SIPA1L1: variants seen among roughly 807,000 people sequenced by gnomAD.
The protein encoded by SIPA1L1 is signal induced proliferation associated 1 like 1.
SIPA1L1 carries 26 observed loss-of-function variants against 162.7 expected under a neutral mutation model. That is an observed-to-expected ratio of 0.16 (90% CI 0.12 to 0.22). The LOEUF is 0.22. SIPA1L1 is among the 10% of genes least tolerant of loss of function. SIPA1L1 has a pLI of 1.00. For missense variants in SIPA1L1, 1,874 were observed against 2,241.0 expected (o/e 0.84, Z 3.31); for synonymous variants, 829 against 837.4 (o/e 0.99, Z 0.17).
At chr14:71,434,084 A>G (rs1240680060) in intron 2 of SIPA1L1, among the ~76,000 whole-genome samples, 2 of 152,232 alleles carry the variant, frequency 1.3e-5, no homozygotes, top group African/African-American at 2.4e-5. Flanking sequence ...TTGGAATACA[A>G]AATTTCTCAC....
chr14:71,532,095 C>T (rs1443392756), intron 4 of SIPA1L1, among the ~76,000 whole-genome samples: 1 of 151,744 alleles, frequency 6.6e-6, no homozygotes, highest in Non-Finnish European at 1.5e-5. Flanking sequence ...ATTTTTTCCC[C>T]TTTAATTTAT....
intron 2 of SIPA1L1, among the ~76,000 whole-genome samples, chr14:71,463,472 A>G (rs1415571588): frequency 6.6e-6 from 1 of 152,236 alleles, no homozygotes; most frequent in African/African-American, 2.4e-5. Context: ...CCCTGGAATC[A>G]GCATCAGCTC....
chr14:71,524,472 G>A (rs1473708469), intron 3 of SIPA1L1, among the ~76,000 whole-genome samples: 1 of 152,154 alleles, frequency 6.6e-6, no homozygotes, highest in African/African-American at 2.4e-5. Context: ...TATGCAAAAA[G>A]ATATATTTTG....
chr14:71,596,246 G>A (rs561938490), intron 5 of SIPA1L1, among the ~76,000 whole-genome samples: 2 of 152,324 alleles, frequency 1.3e-5, no homozygotes, highest in South Asian at 2.1e-4. Flanking sequence ...ATGAGCATTA[G>A]AGAAGCATTA....
intron 2 of SIPA1L1, among the ~76,000 whole-genome samples, chr14:71,465,272 T>C (rs1472049710): frequency 1.3e-5 from 2 of 152,346 alleles, no homozygotes; most frequent in East Asian, 3.9e-4. Flanking sequence ...CTTGTGTCTG[T>C]TTTCCACAAT....
intron 2 of SIPA1L1, among the ~76,000 whole-genome samples, chr14:71,502,083 T>A (rs181372492): frequency 1.4e-3 from 204 of 149,012 alleles, no homozygotes; most frequent in Non-Finnish European, 2.5e-3. Context: ...TTTTTTTTTT[T>A]TTTCTTCTGT....
At chr14:71,517,040 C>T (rs35760654) in intron 3 of SIPA1L1, among the ~76,000 whole-genome samples, 24,666 of 151,764 alleles carry the variant, frequency 0.16, 2,626 homozygotes, top group Middle Eastern at 0.35. Flanking sequence ...GGTGCTTTCT[C>T]AAGAGTTTTA....
chr14:71,459,634 G>A (rs1160805491), intron 2 of SIPA1L1, among the ~76,000 whole-genome samples: 1 of 152,162 alleles, frequency 6.6e-6, no homozygotes, highest in Non-Finnish European at 1.5e-5. Context: ...GGAAAGAGAT[G>A]TAGGCTGGGA....
At chr14:71,590,040 AAAAAATATATATATATAT>A (rs1192770756) in intron 5 of SIPA1L1, among the ~76,000 whole-genome samples, 1 of 64,682 alleles carries the variant, frequency 1.5e-5, no homozygotes, top group African/African-American at 6.6e-5. Context: ...AAAAAAAAAA[AAAAAATATATATATATAT>A]ATATATATAT....
Position 71,709,209 on chromosome 14 carries a change from GC to G in SIPA1L1, c.3766-12del, listed in dbSNP as rs1566706596. 1.3e-6 allele frequency: 2 copies of G among 1,593,476 alleles called. No individual in the cohort carries two copies. Among genetic ancestry groups the G allele is most frequent in the East Asian group, 4.5e-5 (2 of 44,580 alleles). On this transcript the variant is annotated splice_polypyrimidine_tract_variant and intron_variant, in intron 16 of 23. Coordinates refer to ENST00000381232, the MANE Select transcript of SIPA1L1 (RefSeq NM_001386936.1). Reference sequence around the variant, plus strand: ...AAAACTTTGCACTCAAATAAATTCTGCTTCTCTTGCAGTCTGATAGCCACTA... The same window carrying G: ...AAAACTTTGCACTCAAATAAATTCTGTTCTCTTGCAGTCTGATAGCCACTA...
intron 17 of SIPA1L1, among the ~76,000 whole-genome samples, chr14:71,716,484 T>C (rs1178016419): frequency 6.6e-6 from 1 of 152,212 alleles, no homozygotes; most frequent in African/African-American, 2.4e-5. Context: ...TCCTAAATAG[T>C]AGATGACTCC....
chr14:71,684,652 T>A (rs974269173), intron 12 of SIPA1L1, among the ~76,000 whole-genome samples: 1 of 151,482 alleles, frequency 6.6e-6, no homozygotes, highest in Non-Finnish European at 1.5e-5. Context: ...GGTGGGGGTG[T>A]GAAGCTGCTC....
intron 2 of SIPA1L1, among the ~76,000 whole-genome samples, chr14:71,440,983 C>A (rs1424092207): frequency 1.3e-5 from 2 of 151,984 alleles, no homozygotes; most frequent in Non-Finnish European, 2.9e-5. Flanking sequence ...TTTCTAAGTT[C>A]TTTAAAAGAT....
intron 2 of SIPA1L1, among the ~76,000 whole-genome samples, chr14:71,340,904 A>G (rs556854349): frequency 2.6e-5 from 4 of 152,180 alleles, no homozygotes; most frequent in South Asian, 2.1e-4. Flanking sequence ...GCACCACTGC[A>G]CTCCAGCCTG....
intron 2 of SIPA1L1, among the ~76,000 whole-genome samples, chr14:71,442,172 CAAAAAAAAAAA>C (rs368432068): frequency 1.1e-4 from 3 of 26,092 alleles, no homozygotes; most frequent in Non-Finnish European, 2.6e-4. Flanking sequence ...GACTCTGTCT[CAAAAAAAAAAA>C]AAAAAAAAAA....
At chr14:71,403,335 C>A (rs754345712) in intron 2 of SIPA1L1, among the ~76,000 whole-genome samples, 1 of 152,100 alleles carries the variant, frequency 6.6e-6, no homozygotes, top group Non-Finnish European at 1.5e-5. Context: ...CGCGGTGGCT[C>A]ACGCCTGTAA....
intron 2 of SIPA1L1, among the ~76,000 whole-genome samples, chr14:71,388,515 G>A (rs1430107533): frequency 1.3e-5 from 2 of 152,176 alleles, no homozygotes; most frequent in South Asian, 2.1e-4. Context: ...AGATTTTAAC[G>A]TAATTGAAGC....
intron 2 of SIPA1L1, among the ~76,000 whole-genome samples, chr14:71,455,189 T>A (rs1320195005): frequency 6.6e-6 from 1 of 152,246 alleles, no homozygotes; most frequent in East Asian, 1.9e-4. Context: ...AACAAGTTGG[T>A]TTACAGGTTA....
In SIPA1L1 at chr14:71,617,629, G is replaced by A. The variant is rs577572415; in HGVS notation, c.1499-1128G>A. ...ACTTAAATTTTAAACTACATGATTC[G>A]ATATTTATGCTATTTTTTCTTATTA... is the stretch of plus-strand genomic sequence containing the variant. On this transcript the variant is annotated intron_variant, in intron 5 of 23. Transcript: ENST00000381232. 2.1e-3 allele frequency among the ~76,000 whole-genome samples: 325 copies of A among 152,140 alleles called. 5 individuals are homozygous for A. Among genetic ancestry groups the A allele is most frequent in the Non-Finnish European group, 2.2e-3 (148 of 68,000 alleles).
Sources: gnomAD v4.1 joint callset for allele counts (sites outside exome capture counted in the v4.1 genomes callset) on GRCh38, gnomAD v4.1.1 for gene constraint, MANE v1.5 for transcripts, NCBI Gene and HGNC (gene_info 2026-07-23, HGNC 2026-07-21) for gene names.